CRLF2: variants seen among roughly 807,000 people sequenced by gnomAD.
The protein encoded by CRLF2 is cytokine receptor-like factor 2.
CRLF2 carries 41 observed loss-of-function variants against 38.7 expected under a neutral mutation model. The observed-to-expected ratio is 1.06, with a 90% CI of 0.83 to 1.37. The LOEUF is 1.37. CRLF2 is among the 40% of genes most tolerant of loss of function. The pLI is 0.00. For synonymous variants in CRLF2, 140 were observed against 128.8 expected (o/e 1.09, Z -0.59); for missense variants, 377 against 322.2 (o/e 1.17, Z -1.30).
rs1251778621 is a variant in CRLF2 at position 1,198,618 on chromosome X, T to C, written c.590A>G (p.Asp197Gly). The C allele has an allele frequency of 6.2e-7, 1 of 1,613,698 alleles. No homozygotes were observed. The highest frequency in any genetic ancestry group is 1.1e-5 in the South Asian group (1 of 91,064). ...CTCTGACCAGTCGCTTGGGTATGTGTCTGGCCCATATACATCCTCCATAGC... is the reference window on the plus strand; with the variant it reads ...CTCTGACCAGTCGCTTGGGTATGTGCCTGGCCCATATACATCCTCCATAGC... ...VKAMEDVYGP[D>G]TYPSDWSEVT... is the part of the protein sequence containing the mutation. Residue 197 changes from aspartate (D) to glycine (G), a missense_variant, in exon 5 of 8, where the codon GAC (aspartate) becomes GGC (glycine). Coordinates refer to ENST00000400841, the MANE Select transcript of CRLF2 (RefSeq NM_022148.4).
At chrX:1,195,855 T>A (rs1243231452) in intron 6 of CRLF2, among the ~76,000 whole-genome samples, 1 of 141,106 alleles carries the variant, frequency 7.1e-6, no homozygotes, top group Non-Finnish European at 1.5e-5. Context: ...TATATATTTT[T>A]ATATAGATTA....
At chrX:1,193,515 C>T (rs1255589469) in intron 6 of CRLF2, among the ~76,000 whole-genome samples, 1 of 151,996 alleles carries the variant, frequency 6.6e-6, no homozygotes, top group Non-Finnish European at 1.5e-5. Flanking sequence ...TGGTGGCTCA[C>T]GCCTGTAATC....
chrX:1,195,954 A>C (rs1448156410), intron 6 of CRLF2, among the ~76,000 whole-genome samples: 1 of 141,620 alleles, frequency 7.1e-6, no homozygotes, highest in African/African-American at 2.6e-5. Context: ...TATATATTTT[A>C]TATATAAATT....
chrX:1,194,219 G>A (rs1430995638), intron 6 of CRLF2, among the ~76,000 whole-genome samples: 2 of 152,140 alleles, frequency 1.3e-5, no homozygotes, highest in Non-Finnish European at 2.9e-5. Flanking sequence ...GAACCTGGGA[G>A]GCGGAGACTG....
chrX:1,200,073 T>TGC (rs1252526875), intron 4 of CRLF2, among the ~76,000 whole-genome samples: 14 of 37,618 alleles, frequency 3.7e-4, no homozygotes, highest in African/African-American at 1.1e-3. Flanking sequence ...TGTGTATATA[T>TGC]GTGTATATGT....
intron 3 of CRLF2, among the ~76,000 whole-genome samples, chrX:1,206,085 A>C (rs1219550751): frequency 2.0e-5 from 3 of 152,108 alleles, no homozygotes; most frequent in African/African-American, 7.2e-5. Flanking sequence ...GAAGTAGTGA[A>C]AAGCGTGCTG....
intron 1 of CRLF2, among the ~76,000 whole-genome samples, chrX:1,210,111 A>AAAAAGAAAAG (rs775032742): frequency 0.17 from 18,506 of 107,428 alleles, 1,578 homozygotes; most frequent in African/African-American, 0.21. Context: ...ATCAAAAAAA[A>AAAAAGAAAAG]AAAAGAAAAG....
At chrX:1,208,237 C>T (rs182680506) in intron 2 of CRLF2, among the ~76,000 whole-genome samples, 1 of 152,220 alleles carries the variant, frequency 6.6e-6, no homozygotes, top group Admixed American at 6.5e-5. Context: ...GTGAACAAAA[C>T]TCTCTGTTAA....
At chrX:1,203,282 G>A (rs1158152019) in intron 3 of CRLF2, among the ~76,000 whole-genome samples, 1 of 151,994 alleles carries the variant, frequency 6.6e-6, no homozygotes, top group Non-Finnish European at 1.5e-5. Flanking sequence ...GGAGACGGAG[G>A]CAGAGACTGG....
At chrX:1,206,260 G>T (rs1235716103) in intron 3 of CRLF2, among the ~76,000 whole-genome samples, 173 bp downstream of exon 3, 1 of 151,426 alleles carries the variant, frequency 6.6e-6, no homozygotes, top group East Asian at 2.0e-4. Context: ...TTGGTTTTTC[G>T]TTACTTACAG....
chrX:1,198,500 T>G, intron 5 of CRLF2, 62 bp downstream of exon 5: 2 of 1,518,934 alleles, frequency 1.3e-6, no homozygotes, highest in South Asian at 2.2e-5. Flanking sequence ...GGGAAGGCAG[T>G]GGCTATGCCT....
At position 1,202,536 on chromosome X, in the gene CRLF2, C is replaced by A; in HGVS notation, c.350-1G>T. The A allele has an allele frequency of 1.2e-6, 2 of 1,613,700 alleles. No individual in the cohort carries two copies. Among genetic ancestry groups the A allele is most frequent in the Non-Finnish European group, 1.7e-6 (2 of 1,179,688 alleles). ...ACGTGCTTCGGGGAACTGGGTTTCA[C>A]TGAGAAGAAGAAATAACGGAAGCGA... is the stretch of plus-strand genomic sequence containing the variant. On this transcript the variant is annotated splice_acceptor_variant, in intron 3 of 7. Transcript: ENST00000400841. LOFTEE classifies it high-confidence loss of function.
Position 1,202,458 on chromosome X carries a change from A to G in CRLF2, c.427T>C (p.Tyr143His). 6.2e-7 allele frequency: 1 copy of G among 1,613,718 alleles called. No individual in the cohort carries two copies. The highest frequency in any genetic ancestry group is 8.5e-7 in the Non-Finnish European group (1 of 1,179,662). ...AVTVTCSDLS[Y>H]GDLLYEVQYR... The stretch of plus-strand genomic sequence containing the variant: ...TGAACCTCATAGAGGAGATCCCCGT[A>G]GGACAGGTCAGAACACGTCACCGTC... The change falls in exon 4 of 8, where the codon TAC becomes CAC. Residue 143 changes from tyrosine (Y) to histidine (H), a missense_variant. Coordinates refer to ENST00000400841, the MANE Select transcript of CRLF2 (RefSeq NM_022148.4).
intron 1 of CRLF2, among the ~76,000 whole-genome samples, chrX:1,210,319 T>C (rs2086775123): frequency 6.6e-6 from 1 of 151,172 alleles, no homozygotes; most frequent in Admixed American, 6.6e-5. Context: ...GCCAAGTCTC[T>C]TTTTTTTATT....
rs1360842349 is a variant in CRLF2 at position 1,196,815 on chromosome X, C to T, written c.732G>A (p.Val244=). Residue 244 remains valine, a synonymous_variant, in exon 6 of 8, where the codon GTG becomes GTA. Coordinates refer to ENST00000400841, the MANE Select transcript of CRLF2 (RefSeq NM_022148.4). The part of the protein sequence containing the change: ...LISSLAILLM[V]SLLLLSLWKL... ...TCCATAAAGACAGAAGGAGGAGAGA[C>T]ACCATCAGAAGGATGGCCAGGCTGG... 2.5e-6 allele frequency: 4 copies of T among 1,613,078 alleles called. No homozygotes were observed. The African/African-American group carries it at 4.0e-5, about 16-fold the overall frequency.
chrX:1,202,663 C>A, intron 3 of CRLF2, 128 bp from the exon 4 acceptor site: 1 of 1,084,322 alleles, frequency 9.2e-7, no homozygotes, highest in Non-Finnish European at 1.4e-6. Flanking sequence ...CGGGGTTCAC[C>A]CGTCCTCATT....
At chrX:1,198,364 C>A (rs1490604635) in intron 5 of CRLF2, among the ~76,000 whole-genome samples, 198 bp downstream of exon 5, 1 of 143,008 alleles carries the variant, frequency 7.0e-6, no homozygotes, top group East Asian at 2.1e-4. Flanking sequence ...CTCCCTCCCA[C>A]CTCCCGGGAA....
At chrX:1,194,909 G>C (rs1202785848) in intron 6 of CRLF2, among the ~76,000 whole-genome samples, 12 of 152,198 alleles carry the variant, frequency 7.9e-5, no homozygotes, top group African/African-American at 2.9e-4. Flanking sequence ...GCGCGCACCT[G>C]TAGTCCCAGC....
At chrX:1,191,348 T>TC (rs1556415577) in intron 7 of CRLF2, among the ~76,000 whole-genome samples, 188 bp from the exon 8 acceptor site, 52 of 122,762 alleles carry the variant, frequency 4.2e-4, no homozygotes, top group South Asian at 9.5e-4. Flanking sequence ...TTTCTTTCCT[T>TC]CTTTCTTTCT....
Sources: allele counts gnomAD v4.1 joint callset (sites outside exome capture counted in the v4.1 genomes callset), GRCh38; gene constraint gnomAD v4.1.1; transcripts MANE v1.5; gene names NCBI Gene and HGNC (gene_info 2026-07-23, HGNC 2026-07-21).